Variants in PEBP4 observed in about 807,000 individuals in gnomAD.
PEBP4 encodes phosphatidylethanolamine-binding protein 4.
Under a neutral mutation model 23.9 loss-of-function variants are expected in PEBP4, and 22 were observed. That is an observed-to-expected ratio of 0.92 (90% CI 0.66 to 1.31). PEBP4 has a LOEUF of 1.31. Ranked by LOEUF, PEBP4 falls within the 40% of genes most tolerant of loss-of-function variation. The pLI, the probability that PEBP4 is intolerant of heterozygous loss-of-function variation, is 0.00. For synonymous variants in PEBP4, 112 were observed against 99.3 expected, an observed-to-expected ratio of 1.13 and a Z score of -0.76; for missense variants, 324 against 281.7, an observed-to-expected ratio of 1.15 and a Z score of -1.07.
intron 3 of PEBP4, among the ~76,000 whole-genome samples, chr8:22,856,611 G>A (rs1807656949): frequency 6.6e-6 from 1 of 152,154 alleles, no homozygotes; most frequent in African/African-American, 2.4e-5. Flanking sequence ...CAGCTGCTGG[G>A]GAGGATGAGG....
intron 4 of PEBP4, among the ~76,000 whole-genome samples, chr8:22,812,310 C>T (rs1806648282): frequency 6.6e-6 from 1 of 152,196 alleles, no homozygotes; most frequent in African/African-American, 2.4e-5. Flanking sequence ...ACCTAATGTA[C>T]TTAGAGGTCC....
intron 3 of PEBP4, among the ~76,000 whole-genome samples, chr8:22,898,417 A>ACC (rs1808639039): frequency 7.6e-6 from 1 of 132,340 alleles, no homozygotes; most frequent in African/African-American, 2.8e-5. Context: ...AAAAAAAAAA[A>ACC]AAAAAAAAAA....
intron 4 of PEBP4, among the ~76,000 whole-genome samples, chr8:22,742,049 C>A (rs1805006331): frequency 6.6e-6 from 1 of 152,168 alleles, no homozygotes. Context: ...TGCTCTAGGT[C>A]CAGGGCAGGG....
At chr8:22,858,149 C>T (rs1194272163) in intron 3 of PEBP4, among the ~76,000 whole-genome samples, 2 of 152,192 alleles carry the variant, frequency 1.3e-5, no homozygotes, top group Non-Finnish European at 2.9e-5. Context: ...GCTTCAGCAG[C>T]ACCCACAGAC....
chr8:22,893,637 A>G (rs982832152), intron 3 of PEBP4, among the ~76,000 whole-genome samples: 3 of 152,184 alleles, frequency 2.0e-5, no homozygotes, highest in African/African-American at 7.2e-5. Flanking sequence ...AAGAGATAAC[A>G]ATTTCATTGT....
At chr8:22,785,159 C>T (rs538475492) in intron 4 of PEBP4, among the ~76,000 whole-genome samples, 14 of 152,232 alleles carry the variant, frequency 9.2e-5, no homozygotes, top group African/African-American at 2.4e-4. Context: ...CACGGGGGCC[C>T]GGCAACTTCT....
chr8:22,861,005 C>T (rs766446960), intron 3 of PEBP4, among the ~76,000 whole-genome samples: 8 of 152,230 alleles, frequency 5.3e-5, no homozygotes, highest in Non-Finnish European at 7.3e-5. Flanking sequence ...GTATATTCAA[C>T]ATAGAAAATG....
In PEBP4 at chr8:22,860,181, C is replaced by T. The variant is rs56704766; in HGVS notation, c.259-42446G>A. On this transcript the variant is annotated intron_variant, in intron 3 of 6. Coordinates refer to ENST00000256404, the MANE Select transcript of PEBP4 (RefSeq NM_144962.3). ...ACACATATATATGTATATATATATA[C>T]ACATATATATGTATATATATATATA... Among the ~76,000 whole-genome samples the T allele has an allele frequency of 4.0e-4, 22 of 55,626 alleles. No homozygotes were observed. The East Asian group carries it at 0.01, about 26-fold the overall frequency. 36.5% of individuals were successfully genotyped at this position (55,626 alleles called of 152,430 possible). A position where few individuals can be genotyped will look rare whatever the true frequency, so the allele number is the denominator to read the frequency against.
intron 3 of PEBP4, among the ~76,000 whole-genome samples, chr8:22,867,908 T>C (rs1283292741): frequency 2.0e-5 from 3 of 152,180 alleles, no homozygotes; most frequent in Admixed American, 6.5e-5. Flanking sequence ...ATATTAGAGA[T>C]TTGGCCTGAT....
intron 4 of PEBP4, 22 bp downstream of exon 4, chr8:22,817,615 G>T (rs1563226221): frequency 6.3e-7 from 1 of 1,597,400 alleles, no homozygotes; most frequent in East Asian, 2.2e-5. Context: ...ATGCGTCAGA[G>T]AGTGCCTCTT....
intron 3 of PEBP4, among the ~76,000 whole-genome samples, chr8:22,818,556 G>T (rs1184149747): frequency 6.6e-6 from 1 of 152,146 alleles, no homozygotes; most frequent in African/African-American, 2.4e-5. Flanking sequence ...GCCACAGGGG[G>T]CTCTCTAGGC....
chr8:22,915,684 G>C (rs906418439), intron 3 of PEBP4, among the ~76,000 whole-genome samples: 1 of 152,214 alleles, frequency 6.6e-6, no homozygotes, highest in African/African-American at 2.4e-5. Context: ...GCCTGCACTT[G>C]ACCGCCTCCA....
At chr8:22,880,364 T>C (rs1808222269) in intron 3 of PEBP4, 1 of 152,222 alleles carries the variant, frequency 6.6e-6, no homozygotes, top group Non-Finnish European at 1.5e-5. Context: ...CAAAGGGCTC[T>C]ATAAATGTGA....
chr8:22,875,161 C>G (rs1018081846), intron 3 of PEBP4, among the ~76,000 whole-genome samples: 1 of 151,616 alleles, frequency 6.6e-6, no homozygotes, highest in Non-Finnish European at 1.5e-5. Flanking sequence ...CTTTTTCGCC[C>G]CCGAGACTCA....
At chr8:22,863,177 C>A (rs1807817748) in intron 3 of PEBP4, among the ~76,000 whole-genome samples, 1 of 152,090 alleles carries the variant, frequency 6.6e-6, no homozygotes. Context: ...AATGTCCAGG[C>A]ACAATAATAA....
At chr8:22,762,960 G>A (rs1440879290) in intron 4 of PEBP4, among the ~76,000 whole-genome samples, 2 of 151,998 alleles carry the variant, frequency 1.3e-5, no homozygotes, top group African/African-American at 4.8e-5. Flanking sequence ...AACGACCAAG[G>A]GCCAAGGAAT....
chr8:22,752,660 C>G (rs750618669), intron 4 of PEBP4, among the ~76,000 whole-genome samples: 1 of 152,250 alleles, frequency 6.6e-6, no homozygotes, highest in Non-Finnish European at 1.5e-5. Context: ...TGGGCTAGCT[C>G]TCTGCTCCTG....
intron 3 of PEBP4, among the ~76,000 whole-genome samples, chr8:22,853,766 T>C (rs1307620782): frequency 6.6e-6 from 1 of 152,216 alleles, no homozygotes; most frequent in African/African-American, 2.4e-5. Context: ...AATGACAGCC[T>C]GAGTCCATGG....
chr8:22,744,430 G>A (rs1037326307), intron 4 of PEBP4, among the ~76,000 whole-genome samples: 5 of 152,218 alleles, frequency 3.3e-5, no homozygotes, highest in African/African-American at 2.4e-5. Flanking sequence ...AAAGACTCAT[G>A]TATGAGTCAG....
Sources: gnomAD v4.1 joint callset for allele counts (sites outside exome capture counted in the v4.1 genomes callset) on GRCh38, gnomAD v4.1.1 for gene constraint, MANE v1.5 for transcripts, NCBI Gene and HGNC (gene_info 2026-07-23, HGNC 2026-07-21) for gene names.